The following RHOBTB1 variants were observed in gnomAD, a reference collection of about 807,000 sequenced individuals.
RHOBTB1 encodes the protein Rho related BTB domain containing 1.
Under a neutral mutation model 71.6 loss-of-function variants are expected in RHOBTB1, and 40 were observed. The observed-to-expected ratio is 0.56, with a 90% CI of 0.43 to 0.73. The LOEUF (loss-of-function observed/expected upper bound fraction) is 0.73, where lower values mean the gene tolerates loss of function less well. Among genes scored for constraint, RHOBTB1 ranks in the 30% least tolerant of loss-of-function variants. The pLI, the probability that RHOBTB1 is intolerant of heterozygous loss-of-function variation, is 0.00. For synonymous variants in RHOBTB1, 319 were observed against 334.9 expected (o/e 0.95, Z 0.52); for missense variants, 797 against 894.0 (o/e 0.89, Z 1.38).
chr10:60,869,165 C>T (rs1450976272), downstream of RHOBTB1, among the ~76,000 whole-genome samples: 1 of 152,226 alleles, frequency 6.6e-6, no homozygotes, highest in African/African-American at 2.4e-5. Flanking sequence ...TCTAGTTTCT[C>T]CCCCAACCCG....
At chr10:60,880,202 T>TGAGAGAGAGAGAGAGAGAGAGAGAGAGA (rs71018931) in intron 7 of RHOBTB1, among the ~76,000 whole-genome samples, 1 of 126,932 alleles carries the variant, frequency 7.9e-6, no homozygotes, top group African/African-American at 3.1e-5. Context: ...TGTGTGTGTG[T>TGAGAGAGAGAGAGAGAGAGAGAGAGAGA]GAGAGAGAGA....
upstream of RHOBTB1, among the ~76,000 whole-genome samples, chr10:60,946,569 A>G (rs534678305): frequency 1.3e-5 from 2 of 152,194 alleles, no homozygotes; most frequent in Non-Finnish European, 2.9e-5. Flanking sequence ...ATGTCTTGAC[A>G]GTTGCATTTG....
chr10:60,888,961 G>C lies in RHOBTB1; in HGVS notation c.707C>G (p.Pro236Arg). The change falls in exon 6 of 11, where the codon CCA (proline) becomes CGA (arginine). Residue 236 changes from proline to arginine, a missense_variant. Around this residue, in one of 2 missense-constraint regions of RHOBTB1, gnomAD observed 658 missense variants for 681.5 expected, o/e 0.97. Transcript: ENST00000337910. ...KPLLQAPFLPPKAPPPVIKIP... is the reference protein window; with the variant it reads ...KPLLQAPFLPRKAPPPVIKIP... ...TTTGATGACCGGTGGAGGGGCTTTT[G>C]GAGGTAGGAAGGGTGCCTGAAGTAA... 3 of 1,614,172 alleles carry C rather than the reference G, an allele frequency of 1.9e-6. No individual in the cohort carries two copies. Among genetic ancestry groups the C allele is most frequent in the Non-Finnish European group, 2.5e-6 (3 of 1,180,022 alleles).
At chr10:60,992,562 GTC>G (rs2086904828) in intron 1 of RHOBTB1, among the ~76,000 whole-genome samples, 1 of 152,132 alleles carries the variant, frequency 6.6e-6, no homozygotes, top group South Asian at 2.1e-4. Flanking sequence ...CAATATAATT[GTC>G]TCTGCTTCCA....
rs183518861 is a variant in RHOBTB1, at chr10:60,886,884, T to C, written c.1457-654A>G. 9.2e-5 allele frequency among the ~76,000 whole-genome samples: 14 copies of C among 152,130 alleles called. No individual in the cohort carries two copies. In the East Asian group the frequency reaches 2.7e-3, roughly 29 times the overall value. On this transcript the variant is annotated intron_variant, in intron 6 of 10. Coordinates refer to ENST00000337910, the MANE Select transcript of RHOBTB1 (RefSeq NM_014836.5). ...ATTTTGTGTATGTGTATAGACTTTT[T>C]TTTTTTTACAGATAGCATGGCACTT...
At position 60,892,891 on chromosome 10, in the gene RHOBTB1, G is replaced by T. The variant is rs769928956; in HGVS notation, c.401C>A (p.Pro134His). ...AAGCTGGCACCCAACAAGGATAACG[G>T]GTGTTCGAGGGCAAAAGTGCTTGAT... ...PEIKHFCPRT[P>H]VILVGCQLDL... Residue 134 changes from proline (P) to histidine (H), a missense_variant, in exon 5 of 11, where the codon CCC becomes CAC. By Grantham distance (77) the Pro-to-His change is moderately conservative (BLOSUM62 -2). This residue lies in a region of RHOBTB1 where 139 missense variants were observed against 212.5 expected (regional missense o/e 0.65). Transcript: ENST00000337910. 1 of 1,614,048 alleles carries T rather than the reference G, an allele frequency of 6.2e-7. No individual in the cohort carries two copies. Among genetic ancestry groups the T allele is most frequent in the Non-Finnish European group, 8.5e-7 (1 of 1,179,988 alleles).
At chr10:60,890,268 A>G (rs1455751691) in intron 5 of RHOBTB1, among the ~76,000 whole-genome samples, 1 of 151,846 alleles carries the variant, frequency 6.6e-6, no homozygotes, top group Non-Finnish European at 1.5e-5. Context: ...GGACTGGTGC[A>G]TTAGCCCCTT....
chr10:60,880,311 C>A (rs2081273121), intron 7 of RHOBTB1, among the ~76,000 whole-genome samples: 1 of 151,610 alleles, frequency 6.6e-6, no homozygotes, highest in Non-Finnish European at 1.5e-5. Context: ...GCCCCACATT[C>A]TACAAGGTGC....
chr10:60,871,044 A>G lies in RHOBTB1; in HGVS notation c.*438T>C, dbSNP rs1286323777. On this transcript the variant is annotated 3_prime_UTR_variant, in exon 11 of 11. Transcript: ENST00000337910. ...CTCGGTGGTCATGTGGGCAAAGAGA[A>G]TCACAGGGTGACTTCATAATCAATT... 1 of 153,610 alleles carries G rather than the reference A, an allele frequency of 6.5e-6. No individual in the cohort carries two copies. The highest frequency in any genetic ancestry group is 1.5e-5 in the Non-Finnish European group (1 of 68,754). 9.5% of individuals were successfully genotyped at this position (153,610 alleles called of 1,614,324 possible). A position where few individuals can be genotyped will look rare whatever the true frequency, so the allele number is the denominator to read the frequency against.
intron 2 of RHOBTB1, among the ~76,000 whole-genome samples, chr10:60,940,703 T>C (rs1200033028): frequency 6.6e-6 from 1 of 152,208 alleles, no homozygotes; most frequent in Non-Finnish European, 1.5e-5. Flanking sequence ...TGGGTTGAAA[T>C]TCTACATTCT....
chr10:60,888,125 C>A, intron 6 of RHOBTB1, 87 bp downstream of exon 6: 1 of 1,423,472 alleles, frequency 7.0e-7, no homozygotes, highest in Admixed American at 2.4e-5. Context: ...TGTTAGCTAT[C>A]GTTCTTCTTT....
At chr10:61,001,376 A>C (rs1272330329) in intron 1 of RHOBTB1, 1 of 148,210 alleles carries the variant, frequency 6.7e-6, no homozygotes, top group Non-Finnish European at 1.5e-5. Flanking sequence ...CCGCCCCGCC[A>C]CGCCCCGCGA....
chr10:60,881,825 C>G (rs2081341509), intron 7 of RHOBTB1, among the ~76,000 whole-genome samples: 2 of 152,256 alleles, frequency 1.3e-5, no homozygotes, highest in South Asian at 2.1e-4. Context: ...TTCCAGTGAG[C>G]AGCCCTGCCC....
At chr10:60,880,202 T>TGAGAGAGAGAGA (rs71018931) in intron 7 of RHOBTB1, among the ~76,000 whole-genome samples, 2 of 126,932 alleles carry the variant, frequency 1.6e-5, no homozygotes, top group Non-Finnish European at 1.7e-5. Flanking sequence ...TGTGTGTGTG[T>TGAGAGAGAGAGA]GAGAGAGAGA....
At chr10:60,939,455 C>T (rs2084781217) in intron 2 of RHOBTB1, among the ~76,000 whole-genome samples, 1 of 152,154 alleles carries the variant, frequency 6.6e-6, no homozygotes, top group Non-Finnish European at 1.5e-5. Flanking sequence ...GGAGTGACTG[C>T]CTCTTGACCC....
intron 2 of RHOBTB1, among the ~76,000 whole-genome samples, chr10:60,932,729 C>G (rs1219479615): frequency 6.6e-6 from 1 of 151,958 alleles, no homozygotes; most frequent in African/African-American, 2.4e-5. Flanking sequence ...AGAATAACAC[C>G]ACTCCTTAAA....
At position 60,911,258 on chromosome 10, in the gene RHOBTB1, G is replaced by A. The variant is rs893763046; in HGVS notation, c.192+93C>T. On this transcript the variant is annotated intron_variant, in intron 3 of 10. Coordinates refer to ENST00000337910, the MANE Select transcript of RHOBTB1 (RefSeq NM_014836.5). ...AAAAGGTTAGTTTTGTTTTGAATGT[G>A]TAATTTATCCACGCTCCTCCTTTAG... 3.2e-6 allele frequency: 4 copies of A among 1,253,822 alleles called. No individual in the cohort carries two copies. In the African/African-American group the frequency reaches 6.0e-5, roughly 19 times the overall value. 77.7% of individuals were successfully genotyped at this position (1,253,822 alleles called of 1,614,324 possible).
intron 2 of RHOBTB1, among the ~76,000 whole-genome samples, chr10:60,933,360 A>G (rs1408801448): frequency 6.6e-6 from 1 of 152,226 alleles, no homozygotes; most frequent in Non-Finnish European, 1.5e-5. Flanking sequence ...AAATGTCATA[A>G]CTTTCATCCA....
At chr10:60,884,487 AT>A (rs2081474805) in intron 7 of RHOBTB1, among the ~76,000 whole-genome samples, 1 of 152,026 alleles carries the variant, frequency 6.6e-6, no homozygotes, top group Non-Finnish European at 1.5e-5. Context: ...CTTGAATTGA[AT>A]TTTTTTCTTT....
Sources: gnomAD v4.1 joint callset for allele counts (sites outside exome capture counted in the v4.1 genomes callset) on GRCh38, gnomAD v4.1.1 for gene constraint, gnomAD v4.1.1 regional missense constraint, MANE v1.5 for transcripts, NCBI Gene and HGNC (gene_info 2026-07-23, HGNC 2026-07-21) for gene names.